Variants in RAPGEF2 observed in about 807,000 individuals in gnomAD.
RAPGEF2 encodes the protein PDZ domain containing guanine nucleotide exchange factor (GEF) 1.
Under a neutral mutation model 186.7 loss-of-function variants are expected in RAPGEF2, and 54 were observed. The ratio of observed to expected loss-of-function variants is 0.29; its 90% CI spans 0.23 to 0.36. The LOEUF is 0.36. RAPGEF2 is among the 10% of genes least tolerant of loss of function. The pLI is 1.00. For synonymous variants in RAPGEF2, 712 were observed against 705.9 expected, an observed-to-expected ratio of 1.01 and a Z score of -0.14; for missense variants, 1,532 against 2,045.0, an observed-to-expected ratio of 0.75 and a Z score of 4.84.
At position 159,241,191 on chromosome 4, in the gene RAPGEF2, T is replaced by G; in HGVS notation, c.358-10T>G. 6.7e-7 allele frequency: 1 copy of G among 1,487,352 alleles called. No homozygotes were observed. The highest frequency in any genetic ancestry group is 8.9e-7 in the Non-Finnish European group (1 of 1,120,644). The allele number at this position is 1,487,352 out of a possible 1,614,324, so 92.1% of individuals were successfully genotyped here. Reference sequence around the variant, plus strand: ...TTGGAGAAATGAAATTTTGGGGGGTTTTATTTCAGGTGGACTATATGGATG... The same window carrying G: ...TTGGAGAAATGAAATTTTGGGGGGTGTTATTTCAGGTGGACTATATGGATG... On this transcript the variant is annotated splice_polypyrimidine_tract_variant and intron_variant, in intron 5 of 29. Transcript: ENST00000691494.
Position 159,340,537 on chromosome 4 carries a change from G to A in RAPGEF2, c.2535-1027G>A, listed in dbSNP as rs148610930. Among the ~76,000 whole-genome samples, 399 of 151,968 alleles carry A rather than the reference G, an allele frequency of 2.6e-3. 2 individuals carry two copies. Among genetic ancestry groups the A allele is most frequent in the African/African-American group, 9.1e-3 (377 of 41,442 alleles). On this transcript the variant is annotated intron_variant, in intron 19 of 29. Transcript: ENST00000691494. ...ATTTTCTGTTATATGTGTTTGCCTT[G>A]GTGAAATACACAAAAAAAATTTTAG...
chr4:159,295,770 CGCGCAT>C (rs1761935524), intron 7 of RAPGEF2, among the ~76,000 whole-genome samples: 1 of 148,876 alleles, frequency 6.7e-6, no homozygotes, highest in Non-Finnish European at 1.5e-5. Flanking sequence ...CGCGCGCGCG[CGCGCAT>C]GCACATAATG....
In RAPGEF2 at chr4:159,249,058, A is replaced by T. The variant is rs563415433; in HGVS notation, c.543+5267A>T. ...GTGTAGCAAGTCATGCAATATTTCAAGCGATTTATTTGTCGAAAAGATCAC... is the reference window on the plus strand; with the variant it reads ...GTGTAGCAAGTCATGCAATATTTCATGCGATTTATTTGTCGAAAAGATCAC... On this transcript the variant is annotated intron_variant, in intron 7 of 29. Coordinates refer to ENST00000691494, the MANE Select transcript of RAPGEF2 (RefSeq NM_001394067.2). 1.7e-4 allele frequency among the ~76,000 whole-genome samples: 26 copies of T among 152,308 alleles called. No homozygotes were observed. The South Asian group carries it at 5.0e-3, about 29-fold the overall frequency.
intron 4 of RAPGEF2, among the ~76,000 whole-genome samples, chr4:159,214,163 T>C (rs80121141): frequency 0.012 from 1,778 of 152,288 alleles, 32 homozygotes; most frequent in African/African-American, 0.04. Flanking sequence ...TAGGTGAATA[T>C]AGAAACAGAG....
At chr4:159,327,666 A>AC (rs1766111006) in intron 11 of RAPGEF2, 1 of 151,970 alleles carries the variant, frequency 6.6e-6, no homozygotes, top group Admixed American at 6.6e-5. Context: ...AAAAAAAAAA[A>AC]AACTCAAAGA....
intron 1 of RAPGEF2, among the ~76,000 whole-genome samples, chr4:159,165,641 AG>A (rs1745227612): frequency 1.3e-5 from 2 of 152,010 alleles, no homozygotes; most frequent in African/African-American, 4.8e-5. Context: ...TTTTTGAGAG[AG>A]GGTCTCAATC....
chr4:159,355,753 G>A, intron 28 of RAPGEF2, 100 bp from the exon 29 acceptor site: 2 of 1,142,416 alleles, frequency 1.8e-6, no homozygotes, highest in Non-Finnish European at 2.5e-6. Context: ...CACATCTGCT[G>A]CTACACTGTG....
Position 159,198,397 on chromosome 4 carries a change from TCTCTCTTC to T in RAPGEF2, c.197+5156_197+5163del, listed in dbSNP as rs1473819471. ...TTTCTTTCCTTCCTTCCTTCCTTCCTCTCTCTTCCTCTCTTCCTCTCTCTCTCTCTCTC... is the reference window on the plus strand; with the variant it reads ...TTTCTTTCCTTCCTTCCTTCCTTCCTCTCTCTTCCTCTCTCTCTCTCTCTC... On this transcript the variant is annotated intron_variant, in intron 3 of 29. Coordinates refer to ENST00000691494, the MANE Select transcript of RAPGEF2 (RefSeq NM_001394067.2). Among the ~76,000 whole-genome samples, 4 of 118,888 alleles carry T rather than the reference TCTCTCTTC, an allele frequency of 3.4e-5. 1 individual carries two copies. Among genetic ancestry groups the T allele is most frequent in the East Asian group, 2.0e-4 (1 of 4,884 alleles). The allele number at this position is 118,888 out of a possible 152,430, so 78.0% of individuals were successfully genotyped here. A position where few individuals can be genotyped will look rare whatever the true frequency, so the allele number is the denominator to read the frequency against.
intron 1 of RAPGEF2, among the ~76,000 whole-genome samples, chr4:159,134,388 G>A (rs977039734): frequency 1.3e-5 from 2 of 152,192 alleles, no homozygotes; most frequent in African/African-American, 4.8e-5. Flanking sequence ...TTCTCCAAGT[G>A]ATGAATATTT....
intron 1 of RAPGEF2, among the ~76,000 whole-genome samples, chr4:159,128,188 A>G (rs1023776408): frequency 1.1e-4 from 16 of 152,158 alleles, no homozygotes; most frequent in African/African-American, 3.6e-4. Flanking sequence ...GAGACTAATA[A>G]TGTCTTAACT....
At chr4:159,149,318 T>C (rs1335851268) in intron 1 of RAPGEF2, among the ~76,000 whole-genome samples, 1 of 152,190 alleles carries the variant, frequency 6.6e-6, no homozygotes, top group African/African-American at 2.4e-5. Context: ...TGGAGTGCAG[T>C]GGCGTGATCT....
intron 2 of RAPGEF2, among the ~76,000 whole-genome samples, chr4:159,188,179 T>G (rs1210676225): frequency 6.6e-6 from 1 of 152,214 alleles, no homozygotes; most frequent in Non-Finnish European, 1.5e-5. Context: ...TTTAATTGCG[T>G]GCGGTTAATT....
At chr4:159,273,661 TC>T (rs1271747989) in intron 7 of RAPGEF2, among the ~76,000 whole-genome samples, 1 of 149,440 alleles carries the variant, frequency 6.7e-6, no homozygotes, top group African/African-American at 2.5e-5. Context: ...TTTCTTTCTT[TC>T]TTTCTTTCTT....
intron 1 of RAPGEF2, among the ~76,000 whole-genome samples, chr4:159,119,041 T>A (rs1376722503): frequency 6.6e-6 from 1 of 152,224 alleles, no homozygotes; most frequent in African/African-American, 2.4e-5. Context: ...ACTAAAGTGA[T>A]TTTAATATGT....
At chr4:159,196,705 C>T (rs910712661) in intron 3 of RAPGEF2, among the ~76,000 whole-genome samples, 1 of 152,220 alleles carries the variant, frequency 6.6e-6, no homozygotes, top group Non-Finnish European at 1.5e-5. Flanking sequence ...GCATCATTGT[C>T]ATTCTCATCA....
At chr4:159,150,137 C>T (rs7658911) in intron 1 of RAPGEF2, among the ~76,000 whole-genome samples, 86,939 of 147,214 alleles carry the variant, frequency 0.59, 25,113 homozygotes, top group African/African-American at 0.66. Flanking sequence ...TAATATATAA[C>T]AGTATATAAC....
At chr4:159,110,467 C>T (rs1251851495) in intron 1 of RAPGEF2, among the ~76,000 whole-genome samples, 5 of 152,132 alleles carry the variant, frequency 3.3e-5, no homozygotes, top group Non-Finnish European at 7.3e-5. Flanking sequence ...TTCCCAGCTA[C>T]TCGGGGAGAC....
intron 7 of RAPGEF2, among the ~76,000 whole-genome samples, chr4:159,249,240 G>A (rs919930259): frequency 1.2e-4 from 16 of 132,038 alleles, no homozygotes; most frequent in Non-Finnish European, 3.2e-5. Context: ...TTTTTTTTTT[G>A]TCATGAGATT....
intron 7 of RAPGEF2, among the ~76,000 whole-genome samples, chr4:159,283,142 T>C (rs182921926): frequency 1.3e-5 from 2 of 152,328 alleles, no homozygotes; most frequent in Admixed American, 1.3e-4. Context: ...TTCATGTTAG[T>C]TGTTTGTGAC....
Sources: gnomAD v4.1 joint callset for allele counts (sites outside exome capture counted in the v4.1 genomes callset) on GRCh38, gnomAD v4.1.1 for gene constraint, MANE v1.5 for transcripts, NCBI Gene and HGNC (gene_info 2026-07-23, HGNC 2026-07-21) for gene names.